The following ZNF569 variants were observed in gnomAD, a reference collection of about 807,000 sequenced individuals.
The protein encoded by ZNF569 is zinc finger protein 569.
A neutral mutation model predicts 56.3 loss-of-function variants in ZNF569; 38 were observed. The observed-to-expected ratio is 0.68, with a 90% CI of 0.52 to 0.88. The LOEUF is 0.88. Among genes scored for constraint, ZNF569 ranks in the 40% least tolerant of loss-of-function variants. The probability of loss-of-function intolerance (pLI) is 0.00; values close to 1 mark genes in which losing one functional copy is unlikely to be tolerated. For missense variants in ZNF569, 666 were observed against 809.2 expected (o/e 0.82, Z 2.15); for synonymous variants, 241 against 262.9 (o/e 0.92, Z 0.81).
intron 2 of ZNF569, among the ~76,000 whole-genome samples, chr19:37,456,130 T>C (rs1422740652): frequency 6.6e-6 from 1 of 152,232 alleles, no homozygotes; most frequent in Non-Finnish European, 1.5e-5. Flanking sequence ...TGACTTCTAG[T>C]GTTGCTGTAC....
chr19:37,444,818 C>A (rs2041465925), intron 3 of ZNF569, 89 bp downstream of exon 3: 1 of 1,009,766 alleles, frequency 9.9e-7, no homozygotes, highest in Non-Finnish European at 1.5e-6. Flanking sequence ...TGTATACAGA[C>A]CTTTATAATT....
intron 5 of ZNF569, among the ~76,000 whole-genome samples, chr19:37,422,841 G>T (rs2041061135): frequency 6.6e-6 from 1 of 152,106 alleles, no homozygotes; most frequent in Non-Finnish European, 1.5e-5. Flanking sequence ...CAAGGTAATG[G>T]ATAAGACAGA....
At chr19:37,420,804 C>T (rs777906926) in intron 5 of ZNF569, among the ~76,000 whole-genome samples, 5 of 152,204 alleles carry the variant, frequency 3.3e-5, no homozygotes, top group Non-Finnish European at 7.3e-5. Flanking sequence ...CCAGTTTTTA[C>T]ACTTTTTAAT....
At chr19:37,437,438 C>G (rs146606481) in intron 3 of ZNF569, among the ~76,000 whole-genome samples, 1 of 152,242 alleles carries the variant, frequency 6.6e-6, no homozygotes, top group East Asian at 1.9e-4. Context: ...AGGGTGCCCA[C>G]TTTCACCACT....
intron 5 of ZNF569, among the ~76,000 whole-genome samples, chr19:37,423,529 T>C (rs2041072361): frequency 2.0e-5 from 3 of 152,220 alleles, no homozygotes; most frequent in East Asian, 1.9e-4. Flanking sequence ...ATTTTAAAAA[T>C]TGTGATAATC....
chr19:37,462,722 TTTG>T (rs1188488427), intron 2 of ZNF569, among the ~76,000 whole-genome samples: 1 of 152,128 alleles, frequency 6.6e-6, no homozygotes, highest in East Asian at 1.9e-4. Flanking sequence ...CTTCCCAGAG[TTTG>T]TTATGTTGGA....
chr19:37,455,105 A>G (rs2041652266), intron 2 of ZNF569: 1 of 427,682 alleles, frequency 2.3e-6, no homozygotes, highest in Non-Finnish European at 4.1e-6. Context: ...CCTCATTACA[A>G]TAAACTTTTG....
chr19:37,451,535 A>G (rs1370995521), intron 2 of ZNF569, among the ~76,000 whole-genome samples: 1 of 152,046 alleles, frequency 6.6e-6, no homozygotes, highest in Non-Finnish European at 1.5e-5. Flanking sequence ...GTGGGGTATT[A>G]AAGTCTCCTA....
At chr19:37,467,468 C>T (rs2041866938), upstream of ZNF569, 1 of 194,004 alleles carries the variant, frequency 5.2e-6, no homozygotes, top group Non-Finnish European at 1.0e-5. Flanking sequence ...TCCCAGAGGC[C>T]TTCGCGGCCC....
chr19:37,468,872 C>G (rs934084181), upstream of ZNF569: 5 of 193,264 alleles, frequency 2.6e-5, no homozygotes, highest in Non-Finnish European at 4.7e-5. Context: ...CTGCATCCCC[C>G]CCACCCCGCT....
At chr19:37,469,045 A>C (rs1330437262), upstream of ZNF569, 6 of 991,828 alleles carry the variant, frequency 6.0e-6, no homozygotes, top group Non-Finnish European at 7.2e-6. Context: ...AGGCGCGCAG[A>C]GCGCTTGTGC....
chr19:37,465,781 G>C (rs1268851318), intron 1 of ZNF569, among the ~76,000 whole-genome samples: 2 of 152,194 alleles, frequency 1.3e-5, no homozygotes, highest in East Asian at 3.9e-4. Flanking sequence ...CTACTTTTAG[G>C]AGTCTGCTCC....
chr19:37,443,095 T>C (rs909378664), intron 3 of ZNF569, among the ~76,000 whole-genome samples: 2 of 152,224 alleles, frequency 1.3e-5, no homozygotes, highest in Non-Finnish European at 2.9e-5. Context: ...GGCTCACGCC[T>C]GTAATCCCAG....
chr19:37,423,347 A>C (rs1380529767), intron 5 of ZNF569, among the ~76,000 whole-genome samples: 6 of 152,226 alleles, frequency 3.9e-5, no homozygotes, highest in Non-Finnish European at 8.8e-5. Context: ...TTTAACACTA[A>C]TGCTATATAA....
upstream of ZNF569, among the ~76,000 whole-genome samples, chr19:37,468,288 T>C (rs1317800967): frequency 6.6e-6 from 1 of 152,096 alleles, no homozygotes; most frequent in Non-Finnish European, 1.5e-5. Flanking sequence ...AAGGTCTCGC[T>C]ATGTTGCCCA....
At chr19:37,417,994 G>A (rs1025591134) in intron 5 of ZNF569, among the ~76,000 whole-genome samples, 60 of 151,924 alleles carry the variant, frequency 3.9e-4, no homozygotes, top group Non-Finnish European at 2.2e-4. Context: ...CCAGCTACTC[G>A]GGAGGCTGAG....
intron 2 of ZNF569, among the ~76,000 whole-genome samples, chr19:37,463,212 T>C (rs771479720): frequency 5.9e-5 from 9 of 152,182 alleles, no homozygotes; most frequent in Non-Finnish European, 1.2e-4. Context: ...CAATATCTTT[T>C]CCCTAAAGTA....
At chr19:37,442,975 C>T (rs1381116479) in intron 3 of ZNF569, among the ~76,000 whole-genome samples, 1 of 152,164 alleles carries the variant, frequency 6.6e-6, no homozygotes, top group East Asian at 1.9e-4. Flanking sequence ...AGTGTGTGCG[C>T]TGTGTTACAC....
intron 2 of ZNF569, among the ~76,000 whole-genome samples, chr19:37,446,315 C>T (rs1266839913): frequency 2.0e-5 from 3 of 151,950 alleles, no homozygotes; most frequent in African/African-American, 4.8e-5. Context: ...TTTGGGAGGC[C>T]AAGGTGGGCG....
Sources: gnomAD v4.1 joint callset for allele counts (sites outside exome capture counted in the v4.1 genomes callset) on GRCh38, gnomAD v4.1.1 for gene constraint, MANE v1.5 for transcripts, NCBI Gene and HGNC (gene_info 2026-07-23, HGNC 2026-07-21) for gene names.